Variants in PKN2 observed in about 807,000 individuals in gnomAD.
PKN2 encodes the protein protein kinase N2.
PKN2 carries 38 observed loss-of-function variants against 119.1 expected under a neutral mutation model. That is an observed-to-expected ratio of 0.32 (90% CI 0.25 to 0.42). The LOEUF is 0.42. Ranked by LOEUF, PKN2 falls within the 10% of genes least tolerant of loss-of-function variation. PKN2 has a pLI of 1.00. For synonymous variants in PKN2, 390 were observed against 384.9 expected (o/e 1.01, Z -0.15); for missense variants, 850 against 1,165.1 (o/e 0.73, Z 3.94).
intron 1 of PKN2, among the ~76,000 whole-genome samples, chr1:88,714,614 A>C (rs983579352): frequency 6.6e-6 from 1 of 152,114 alleles, no homozygotes; most frequent in Non-Finnish European, 1.5e-5. Flanking sequence ...TGATTTTTGC[A>C]CATTGATTTT....
rs1670134221 is a variant in PKN2, at chr1:88,776,985, A to C, written c.985+5106A>C. 2.0e-5 allele frequency among the ~76,000 whole-genome samples: 3 copies of C among 152,098 alleles called. No individual in the cohort carries two copies. The South Asian group carries it at 6.2e-4, about 31-fold the overall frequency. On this transcript the variant is annotated intron_variant, in intron 6 of 21. Transcript: ENST00000370521. Reference sequence around the variant, plus strand: ...TTCTTGTCTTTCATCAGATTTGGGAAGTTTCCAATCATTTCTTCAAATGTT... The same window carrying C: ...TTCTTGTCTTTCATCAGATTTGGGACGTTTCCAATCATTTCTTCAAATGTT...
At chr1:88,697,950 G>T (rs982811210) in intron 1 of PKN2, among the ~76,000 whole-genome samples, 1 of 151,836 alleles carries the variant, frequency 6.6e-6, no homozygotes, top group Non-Finnish European at 1.5e-5. Flanking sequence ...GTAGTTGTTT[G>T]TATCCTACTT....
intron 1 of PKN2, among the ~76,000 whole-genome samples, chr1:88,716,630 T>G (rs1667468498): frequency 6.6e-6 from 1 of 152,196 alleles, no homozygotes; most frequent in Non-Finnish European, 1.5e-5. Flanking sequence ...GCTTTTTTTT[T>G]GTTTTCCATT....
At chr1:88,779,831 G>T (rs1037257779) in intron 6 of PKN2, among the ~76,000 whole-genome samples, 2 of 152,158 alleles carry the variant, frequency 1.3e-5, no homozygotes, top group African/African-American at 4.8e-5. Flanking sequence ...CCACTAATTA[G>T]GATCAGTCTA....
At chr1:88,828,283 TTAGACAG>T (rs771006553) in intron 18 of PKN2, among the ~76,000 whole-genome samples, 191 bp from the exon 19 acceptor site, 1 of 152,242 alleles carries the variant, frequency 6.6e-6, no homozygotes, top group Non-Finnish European at 1.5e-5. Flanking sequence ...TACCCATTAA[TTAGACAG>T]TATAGTTGCT....
intron 1 of PKN2, among the ~76,000 whole-genome samples, chr1:88,721,980 A>G (rs1463247809): frequency 6.6e-6 from 1 of 152,124 alleles, no homozygotes; most frequent in Non-Finnish European, 1.5e-5. Context: ...CCTCATCCCA[A>G]CTCCATATAC....
chr1:88,765,474 T>G (rs1300962135), intron 3 of PKN2, among the ~76,000 whole-genome samples: 1 of 152,024 alleles, frequency 6.6e-6, no homozygotes, highest in Non-Finnish European at 1.5e-5. Flanking sequence ...CTGTTTAAGC[T>G]TTGAGATCTA....
intron 2 of PKN2, among the ~76,000 whole-genome samples, chr1:88,748,889 C>T (rs949602112): frequency 6.6e-6 from 1 of 152,112 alleles, no homozygotes; most frequent in African/African-American, 2.4e-5. Flanking sequence ...GAGCCATGAT[C>T]ATGCCACTCC....
chr1:88,833,372 C>T lies in PKN2; in HGVS notation c.2879C>T (p.Pro960Leu). The change falls in exon 22 of 22, where the codon CCT (proline) becomes CTT (leucine). Residue 960 changes from proline to leucine, a missense_variant. Around this residue, in one of 9 missense-constraint regions of PKN2, gnomAD observed 52 missense variants for 39.9 expected, o/e 1.30. Coordinates refer to ENST00000370521, the MANE Select transcript of PKN2 (RefSeq NM_006256.4). The part of the protein sequence containing the change: ...FTSEAPILTP[P>L]REPRILSEEE... ...TCAGAAGCACCTATTCTGACTCCAC[C>T]TCGAGAACCAAGGATACTTTCGGAA... 6.2e-7 allele frequency: 1 copy of T among 1,613,410 alleles called. No homozygotes were observed. The highest frequency in any genetic ancestry group is 8.5e-7 in the Non-Finnish European group (1 of 1,179,500).
At chr1:88,723,472 A>G (rs112184706) in intron 1 of PKN2, among the ~76,000 whole-genome samples, 10,015 of 134,560 alleles carry the variant, frequency 0.074, 687 homozygotes, top group African/African-American at 0.19. Context: ...CCCAGGCTGG[A>G]GTACAGTGGC....
At chr1:88,726,185 T>C (rs995282134) in intron 1 of PKN2, among the ~76,000 whole-genome samples, 1 of 152,216 alleles carries the variant, frequency 6.6e-6, no homozygotes, top group Non-Finnish European at 1.5e-5. Context: ...TTTATTAACT[T>C]ACTGTAGTGG....
chr1:88,725,383 C>G (rs1204790451), intron 1 of PKN2, among the ~76,000 whole-genome samples: 1 of 152,122 alleles, frequency 6.6e-6, no homozygotes, highest in Non-Finnish European at 1.5e-5. Context: ...TATGAGAGAT[C>G]CAGTTGGTGC....
chr1:88,728,445 A>AT, intron 1 of PKN2, among the ~76,000 whole-genome samples: 1 of 152,196 alleles, frequency 6.6e-6, no homozygotes, highest in South Asian at 2.1e-4. Flanking sequence ...TGTTATCAAA[A>AT]TTTTTAATTG....
intron 2 of PKN2, among the ~76,000 whole-genome samples, chr1:88,749,908 C>T (rs1668920091): frequency 6.6e-6 from 1 of 152,088 alleles, no homozygotes; most frequent in South Asian, 2.1e-4. Context: ...AAGCAGATAT[C>T]CTGGCTATTC....
chr1:88,685,974 T>A (rs552824223), intron 1 of PKN2, among the ~76,000 whole-genome samples: 37 of 152,342 alleles, frequency 2.4e-4, no homozygotes, highest in African/African-American at 8.7e-4. Flanking sequence ...TGTATATCAA[T>A]GCAGTGTTGC....
chr1:88,724,573 C>T (rs572616894), intron 1 of PKN2, among the ~76,000 whole-genome samples: 1 of 144,262 alleles, frequency 6.9e-6, no homozygotes, highest in African/African-American at 2.8e-5. Flanking sequence ...CAAGGGATTA[C>T]TCTTTTTTTT....
intron 4 of PKN2, 90 bp downstream of exon 4, chr1:88,770,559 G>A (rs1347561891): frequency 1.4e-6 from 1 of 707,198 alleles, no homozygotes; most frequent in Non-Finnish European, 2.5e-6. Context: ...AGTTAAGAGG[G>A]AGGAAGCATT....
At chr1:88,740,210 CA>C (rs746728939) in intron 1 of PKN2, among the ~76,000 whole-genome samples, 2 of 152,020 alleles carry the variant, frequency 1.3e-5, no homozygotes, top group Admixed American at 6.6e-5. Flanking sequence ...ACCTCCCACA[CA>C]TACCAAAGAA....
chr1:88,726,796 A>C (rs1044474267), intron 1 of PKN2, among the ~76,000 whole-genome samples: 1 of 151,924 alleles, frequency 6.6e-6, no homozygotes, highest in Non-Finnish European at 1.5e-5. Flanking sequence ...ATTTCATCTA[A>C]GTTATTGATT....
Sources: gnomAD v4.1 joint callset for allele counts (sites outside exome capture counted in the v4.1 genomes callset) on GRCh38, gnomAD v4.1.1 for gene constraint, gnomAD v4.1.1 regional missense constraint, MANE v1.5 for transcripts, NCBI Gene and HGNC (gene_info 2026-07-23, HGNC 2026-07-21) for gene names.